MYH11: variants seen among roughly 807,000 people sequenced by gnomAD.
MYH11 encodes the protein myosin-11.
MYH11 carries 80 observed loss-of-function variants against 246.6 expected under a neutral mutation model. That is an observed-to-expected ratio of 0.32 (90% CI 0.27 to 0.39). MYH11 has a LOEUF of 0.39. Among genes scored for constraint, MYH11 ranks in the 10% least tolerant of loss-of-function variants. MYH11 has a pLI of 1.00. For synonymous variants in MYH11, 1,071 were observed against 1,015.5 expected (o/e 1.05, Z -1.04); for missense variants, 2,158 against 2,546.8 (o/e 0.85, Z 3.29).
At position 15,804,658 on chromosome 16, in the gene MYH11, G is replaced by A. The variant is rs76229621; in HGVS notation, c.503-5971C>T. Reference sequence around the variant, plus strand: ...CACCCCCAAATGAAACCCTCTACCCGTTAAGCAGCCACTCCCCCATAAGCC... The same window carrying A: ...CACCCCCAAATGAAACCCTCTACCCATTAAGCAGCCACTCCCCCATAAGCC... On this transcript the variant is annotated intron_variant, in intron 3 of 40. Transcript: ENST00000300036. Among the ~76,000 whole-genome samples the A allele has an allele frequency of 8.7e-3, 1,331 of 152,154 alleles. 42 individuals are homozygous for A. The East Asian group carries it at 0.11, about 12-fold the overall frequency.
At chr16:15,722,179 C>T (rs1190126622) in intron 31 of MYH11, among the ~76,000 whole-genome samples, 3 of 152,120 alleles carry the variant, frequency 2.0e-5, no homozygotes, top group African/African-American at 7.2e-5. Context: ...GCTTCGAAAC[C>T]ACTAGACCTG....
At chr16:15,718,536 T>TA (rs2040294603) in intron 36 of MYH11, 98 bp from the exon 37 acceptor site, 1 of 1,467,308 alleles carries the variant, frequency 6.8e-7, no homozygotes, top group East Asian at 2.5e-5. Flanking sequence ...GCCCTCATCA[T>TA]CTAATGGGTG....
At chr16:15,848,204 T>C (rs1207055594) in intron 1 of MYH11, among the ~76,000 whole-genome samples, 3 of 149,626 alleles carry the variant, frequency 2.0e-5, no homozygotes, top group Non-Finnish European at 4.4e-5. Flanking sequence ...ATAATACTAA[T>C]ACTAGTAATA....
intron 1 of MYH11, among the ~76,000 whole-genome samples, chr16:15,851,413 C>T (rs1334174824): frequency 6.6e-6 from 1 of 152,152 alleles, no homozygotes; most frequent in African/African-American, 2.4e-5. Flanking sequence ...GCATCACCTG[C>T]TATTGCTATT....
At chr16:15,732,189 C>G (rs1278842612) in intron 27 of MYH11, among the ~76,000 whole-genome samples, 1 of 152,148 alleles carries the variant, frequency 6.6e-6, no homozygotes, top group Non-Finnish European at 1.5e-5. Flanking sequence ...TCTCGAACTC[C>G]TGACCTCAGG....
intron 11 of MYH11, 100 bp from the exon 12 acceptor site, chr16:15,759,828 T>C: frequency 1.4e-6 from 2 of 1,442,354 alleles, no homozygotes; most frequent in Middle Eastern, 4.8e-4. Flanking sequence ...CCGGGTGCAG[T>C]GACTCACACT....
Position 15,793,658 on chromosome 16 carries a change from C to T in MYH11, c.530+5002G>A, listed in dbSNP as rs185520023. 6.1e-3 allele frequency among the ~76,000 whole-genome samples: 819 copies of T among 134,942 alleles called. 11 individuals carry two copies. The highest frequency in any genetic ancestry group is 0.02 in the African/African-American group (695 of 35,548). The allele number at this position is 134,942 out of a possible 152,430, so 88.5% of individuals were successfully genotyped here. On this transcript the variant is annotated intron_variant, in intron 4 of 40. Transcript: ENST00000300036. ...TTTTTGAGACAGAGTCTCGCTCTGT[C>T]ACCCAGGCTGGAGTGCACTGGCGTG...
intron 16 of MYH11, among the ~76,000 whole-genome samples, chr16:15,748,860 C>A (rs2041491330): frequency 6.6e-6 from 1 of 152,086 alleles, no homozygotes; most frequent in African/African-American, 2.4e-5. Context: ...CTCAAGTGAT[C>A]CTCCCACCTC....
chr16:15,710,338 TG>T (rs2151178242), intron 40 of MYH11, among the ~76,000 whole-genome samples: 1 of 152,174 alleles, frequency 6.6e-6, no homozygotes, highest in Non-Finnish European at 1.5e-5. Context: ...CCAGCCAGTA[TG>T]GTGAAACCTT....
In MYH11 at chr16:15,703,930, T is replaced by TG; in HGVS notation, c.*60_*61insC. On this transcript the variant is annotated 3_prime_UTR_variant, in exon 41 of 41. Coordinates refer to ENST00000300036, the MANE Select transcript of MYH11 (RefSeq NM_002474.3). ...TTGTTCTGGGTTGTTGTTGGGTTTT[T>TG]TTTGTTTGTTTGTTTTGGTTTTTGG... The TG allele has an allele frequency of 6.4e-7, 1 of 1,574,172 alleles. No homozygotes were observed. The highest frequency in any genetic ancestry group is 8.7e-7 in the Non-Finnish European group (1 of 1,147,378).
intron 4 of MYH11, among the ~76,000 whole-genome samples, chr16:15,793,797 T>C (rs2042676200): frequency 8.0e-6 from 1 of 125,050 alleles, no homozygotes; most frequent in Non-Finnish European, 1.7e-5. Context: ...TTTTTTTGTA[T>C]TTTTTTTAGT....
At chr16:15,711,534 G>A (rs559346272) in intron 40 of MYH11, among the ~76,000 whole-genome samples, 117 of 152,250 alleles carry the variant, frequency 7.7e-4, no homozygotes, top group South Asian at 1.9e-3. Context: ...TTTATTTGCC[G>A]TTATATTCAT....
chr16:15,801,067 G>A (rs2042873741), intron 3 of MYH11, among the ~76,000 whole-genome samples: 2 of 151,898 alleles, frequency 1.3e-5, no homozygotes, highest in Admixed American at 6.6e-5. Flanking sequence ...TTAGTTGGGT[G>A]TCATGGCACA....
At chr16:15,771,046 G>A (rs2042088548) in intron 9 of MYH11, among the ~76,000 whole-genome samples, 1 of 151,624 alleles carries the variant, frequency 6.6e-6, no homozygotes, top group Non-Finnish European at 1.5e-5. Context: ...CCAAGCTGGA[G>A]TGGAGTGGTG....
chr16:15,824,276 G>C (rs1345561564), intron 2 of MYH11, among the ~76,000 whole-genome samples: 2 of 147,262 alleles, frequency 1.4e-5, no homozygotes, highest in African/African-American at 5.4e-5. Flanking sequence ...AGAGAATGTT[G>C]TTTACTTTTT....
At position 15,813,648 on chromosome 16, in the gene MYH11, C is replaced by T. The variant is rs116573951; in HGVS notation, c.502+9607G>A. Among the ~76,000 whole-genome samples the T allele has an allele frequency of 7.0e-3, 1,061 of 152,234 alleles. 15 individuals carry two copies. Among genetic ancestry groups the T allele is most frequent in the African/African-American group, 0.021 (892 of 41,548 alleles). On this transcript the variant is annotated intron_variant, in intron 3 of 40. Coordinates refer to ENST00000300036, the MANE Select transcript of MYH11 (RefSeq NM_002474.3). ...AGGCTGAGTGCATGCATTTAGCTCT[C>T]TTCCTTCCTAAACCTTACTAAAATA...
In MYH11 at chr16:15,719,260, C is replaced by T. The variant is rs267604421; in HGVS notation, c.5131G>A (p.Glu1711Lys). The T allele has an allele frequency of 6.2e-7, 1 of 1,613,512 alleles. No individual in the cohort carries two copies. The change falls in exon 36 of 41, where the codon GAG (glutamate) becomes AAG (lysine). Residue 1711 changes from glutamate (E) to lysine (K), a missense_variant. Coordinates refer to ENST00000300036, the MANE Select transcript of MYH11 (RefSeq NM_002474.3). ...CTGGCCAGCTCCTCTGCCAGTTCCT[C>T]CTTCTCGAGGTCCGCTTGTTTGCGA... ...RARKQADLEK[E>K]ELAEELASSL...
At chr16:15,821,661 G>C (rs962805214) in intron 3 of MYH11, among the ~76,000 whole-genome samples, 3 of 150,758 alleles carry the variant, frequency 2.0e-5, no homozygotes, top group Admixed American at 1.3e-4. Context: ...GCTTATGCCT[G>C]TAATCCCAGC....
intron 1 of MYH11, among the ~76,000 whole-genome samples, chr16:15,846,947 C>T (rs1190459898): frequency 6.6e-6 from 1 of 152,018 alleles, no homozygotes; most frequent in Admixed American, 6.6e-5. Flanking sequence ...GAGTGAGACC[C>T]CCATCTATAA....
Sources: gnomAD v4.1 joint callset for allele counts (sites outside exome capture counted in the v4.1 genomes callset) on GRCh38, gnomAD v4.1.1 for gene constraint, MANE v1.5 for transcripts, NCBI Gene and HGNC (gene_info 2026-07-23, HGNC 2026-07-21) for gene names.